Variants in STXBP6 observed in about 807,000 individuals in gnomAD.
STXBP6 encodes the protein syntaxin-binding protein 6.
STXBP6 carries 21 observed loss-of-function variants against 26.9 expected under a neutral mutation model. The ratio of observed to expected loss-of-function variants is 0.78; its 90% confidence interval spans 0.55 to 1.12. STXBP6 has a LOEUF of 1.12. Ranked by LOEUF, STXBP6 falls within the 50% of genes most tolerant of loss-of-function variation. STXBP6 has a pLI of 0.00. For synonymous variants in STXBP6, 97 were observed against 92.6 expected, an observed-to-expected ratio of 1.05 and a Z score of -0.27; for missense variants, 232 against 257.9, an observed-to-expected ratio of 0.90 and a Z score of 0.69.
At chr14:24,905,260 G>A (rs1385328055) in intron 2 of STXBP6, among the ~76,000 whole-genome samples, 2 of 152,096 alleles carry the variant, frequency 1.3e-5, no homozygotes, top group African/African-American at 2.4e-5. Flanking sequence ...TCAAATCTCA[G>A]GATGGCCTTT....
intron 2 of STXBP6, among the ~76,000 whole-genome samples, chr14:24,900,043 T>A (rs1393899614): frequency 6.6e-6 from 1 of 152,228 alleles, no homozygotes; most frequent in Non-Finnish European, 1.5e-5. Context: ...CAAAGCGATA[T>A]GCCTTAACAG....
rs1002507272 is a variant in STXBP6, at chr14:24,856,215, A to G, written c.286-114T>C. The G allele has an allele frequency of 3.8e-6, 4 of 1,063,858 alleles. No homozygotes were observed. In the African/African-American group the frequency reaches 4.8e-5, roughly 13 times the overall value. 65.9% of individuals were successfully genotyped at this position (1,063,858 alleles called of 1,614,324 possible). A position where few individuals can be genotyped will look rare whatever the true frequency, so the allele number is the denominator to read the frequency against. On this transcript the variant is annotated intron_variant, in intron 3 of 5. Transcript: ENST00000323944. ...AAACAAAGACTTTGATCGCAATCAT[A>G]AGGCTCATCTTTATCCAAGTGTATG... is the stretch of plus-strand genomic sequence containing the variant.
rs115187176 is a variant in STXBP6, at chr14:24,996,294, A to T, written c.-32-21444T>A. Among the ~76,000 whole-genome samples, 1,025 of 152,266 alleles carry T rather than the reference A, an allele frequency of 6.7e-3. 10 individuals carry two copies. The highest frequency in any genetic ancestry group is 0.023 in the African/African-American group (960 of 41,548). ...TACTATACTTATTTGTGCTGAGTAGATCATAACGTTTTGTGGCTCAAGGTT... is the reference window on the plus strand; with the variant it reads ...TACTATACTTATTTGTGCTGAGTAGTTCATAACGTTTTGTGGCTCAAGGTT... On this transcript the variant is annotated intron_variant, in intron 1 of 5. Transcript: ENST00000323944.
intron 1 of STXBP6, among the ~76,000 whole-genome samples, chr14:24,990,276 T>C (rs2332462): frequency 0.52 from 78,447 of 151,958 alleles, 22,836 homozygotes; most frequent in African/African-American, 0.81. Flanking sequence ...ATGGGTATGC[T>C]TCCCTGTTCC....
intron 4 of STXBP6, among the ~76,000 whole-genome samples, chr14:24,825,978 G>C (rs1380585568): frequency 6.6e-6 from 1 of 152,096 alleles, no homozygotes; most frequent in Non-Finnish European, 1.5e-5. Flanking sequence ...GGGAACACTT[G>C]TTTTGAGGTT....
intron 2 of STXBP6, among the ~76,000 whole-genome samples, chr14:24,862,296 C>A (rs544982837): frequency 6.6e-6 from 1 of 152,276 alleles, no homozygotes; most frequent in African/African-American, 2.4e-5. Context: ...CCATGCCCGA[C>A]CTAAACCTGG....
intron 2 of STXBP6, among the ~76,000 whole-genome samples, chr14:24,923,618 C>T (rs144100847): frequency 7.9e-5 from 12 of 152,280 alleles, no homozygotes; most frequent in African/African-American, 2.4e-4. Flanking sequence ...TACAAAACTT[C>T]AGAAACGTTT....
chr14:24,959,337 T>C (rs1353782138), intron 2 of STXBP6, among the ~76,000 whole-genome samples: 1 of 152,114 alleles, frequency 6.6e-6, no homozygotes, highest in African/African-American at 2.4e-5. Flanking sequence ...AGACAAGCCC[T>C]GGGAAGCAAA....
chr14:24,855,406 ATGC>A (rs1001672580), intron 4 of STXBP6, among the ~76,000 whole-genome samples: 3 of 152,074 alleles, frequency 2.0e-5, no homozygotes, highest in African/African-American at 7.2e-5. Context: ...TATGTTGCCG[ATGC>A]TGGCACTCAC....
At chr14:24,838,554 C>T (rs1240915469) in intron 4 of STXBP6, among the ~76,000 whole-genome samples, 4 of 152,022 alleles carry the variant, frequency 2.6e-5, no homozygotes, top group South Asian at 2.1e-4. Flanking sequence ...CGTGGTGGCT[C>T]GCACCTGTAG....
intron 1 of STXBP6, among the ~76,000 whole-genome samples, chr14:24,982,795 A>C (rs1025769736): frequency 2.6e-5 from 4 of 152,216 alleles, no homozygotes; most frequent in Non-Finnish European, 5.9e-5. Context: ...CCCTGACCAC[A>C]AGATCTGTGT....
At chr14:24,885,505 C>A (rs1267848382) in intron 2 of STXBP6, among the ~76,000 whole-genome samples, 1 of 152,198 alleles carries the variant, frequency 6.6e-6, no homozygotes, top group Non-Finnish European at 1.5e-5. Flanking sequence ...CACTCAATCC[C>A]CTACCTTCAC....
At chr14:24,889,697 G>C (rs1404306314) in intron 2 of STXBP6, among the ~76,000 whole-genome samples, 1 of 152,010 alleles carries the variant, frequency 6.6e-6, no homozygotes. Flanking sequence ...CTAAAGTTAA[G>C]AAAATCTCCT....
intron 1 of STXBP6, among the ~76,000 whole-genome samples, chr14:25,002,593 T>C (rs1448944422): frequency 1.3e-5 from 2 of 151,980 alleles, no homozygotes; most frequent in African/African-American, 4.8e-5. Flanking sequence ...TCTCCTGACC[T>C]CGTGATCCAT....
chr14:24,860,218 G>C (rs2069485946), intron 2 of STXBP6, among the ~76,000 whole-genome samples: 1 of 152,124 alleles, frequency 6.6e-6, no homozygotes, highest in Non-Finnish European at 1.5e-5. Flanking sequence ...AAAGGGTGGA[G>C]ACCACTGACC....
At chr14:25,034,013 T>C (rs1287720275) in intron 1 of STXBP6, among the ~76,000 whole-genome samples, 1 of 152,148 alleles carries the variant, frequency 6.6e-6, no homozygotes, top group Non-Finnish European at 1.5e-5. Flanking sequence ...ACACAGCATC[T>C]ATTTGAGGAA....
chr14:24,858,646 G>T (rs1279746126), intron 2 of STXBP6, among the ~76,000 whole-genome samples: 1 of 152,068 alleles, frequency 6.6e-6, no homozygotes, highest in Non-Finnish European at 1.5e-5. Flanking sequence ...AATTCAGGCA[G>T]TATTACCAGT....
intron 1 of STXBP6, among the ~76,000 whole-genome samples, chr14:25,042,940 C>A (rs2075667137): frequency 6.6e-6 from 1 of 152,208 alleles, no homozygotes; most frequent in South Asian, 2.1e-4. Context: ...ACCACAAGAA[C>A]CCTCTTTAAA....
chr14:24,978,483 T>C (rs1223804821), intron 1 of STXBP6, among the ~76,000 whole-genome samples: 1 of 152,186 alleles, frequency 6.6e-6, no homozygotes. Context: ...TGGTAAATCA[T>C]TGTCCATCCC....
Sources: allele counts gnomAD v4.1 joint callset (sites outside exome capture counted in the v4.1 genomes callset), GRCh38; gene constraint gnomAD v4.1.1; transcripts MANE v1.5; gene names NCBI Gene and HGNC (gene_info 2026-07-23, HGNC 2026-07-21).